UNC13C: variants seen among roughly 807,000 people sequenced by gnomAD.
UNC13C encodes the protein unc-13 homolog C.
In UNC13C, 174 loss-of-function variants were observed where a neutral mutation model predicts 245.4. The observed-to-expected ratio is 0.71, with a 90% confidence interval of 0.63 to 0.80. The LOEUF is 0.80. Ranked by LOEUF, UNC13C falls within the 30% of genes least tolerant of loss-of-function variation. UNC13C has a pLI of 0.00. For missense variants in UNC13C, 2,829 were observed against 2,602.9 expected, an observed-to-expected ratio of 1.09 and a Z score of -1.89; for synonymous variants, 992 against 895.1, an observed-to-expected ratio of 1.11 and a Z score of -1.93.
chr15:54,054,330 C>T (rs1209732090), intron 2 of UNC13C, among the ~76,000 whole-genome samples: 1 of 152,210 alleles, frequency 6.6e-6, no homozygotes, highest in African/African-American at 2.4e-5. Flanking sequence ...GTCAATCTCT[C>T]CCTCTTAGAC....
Position 54,626,881 on chromosome 15 carries a change from A to G in UNC13C, c.6413A>G (p.Lys2138Arg). Residue 2138 changes from lysine to arginine, a missense_variant, in exon 33 of 33, where the codon AAG becomes AGG. Coordinates refer to ENST00000260323, the MANE Select transcript of UNC13C (RefSeq NM_001080534.3). The stretch of plus-strand genomic sequence containing the variant: ...GCTTATGAACTTCATCTCTCAGTTA[A>G]GGATTACTGCTTTGCCAGAGAAGAT... ...PGAYELHLSV[K>R]DYCFAREDRI... 6.2e-7 allele frequency: 1 copy of G among 1,613,288 alleles called. No homozygotes were observed. The highest frequency in any genetic ancestry group is 8.5e-7 in the Non-Finnish European group (1 of 1,179,534).
At chr15:54,616,962 G>C (rs149645045) in intron 30 of UNC13C, among the ~76,000 whole-genome samples, 1 of 152,118 alleles carries the variant, frequency 6.6e-6, no homozygotes, top group East Asian at 1.9e-4. Flanking sequence ...ACAAATACAG[G>C]TGTTACAACT....
intron 17 of UNC13C, among the ~76,000 whole-genome samples, chr15:54,388,301 C>T (rs948280315): frequency 3.3e-5 from 5 of 151,938 alleles, no homozygotes; most frequent in Admixed American, 6.6e-5. Context: ...TTGTATGCTC[C>T]GGAAGCACAT....
the UNC13C span, among the ~76,000 whole-genome samples, chr15:53,936,826 T>C: frequency 6.6e-6 from 1 of 152,030 alleles, no homozygotes; most frequent in African/African-American, 2.4e-5. Context: ...GAAAAACAAA[T>C]GGAAATCAAC....
the UNC13C span, among the ~76,000 whole-genome samples, chr15:53,873,854 C>CCTCTCT: frequency 2.9e-3 from 381 of 131,628 alleles, 4 homozygotes; most frequent in African/African-American, 8.5e-3. Context: ...AGCATCTATC[C>CCTCTCT]CTCTCTCTCT....
intron 2 of UNC13C, among the ~76,000 whole-genome samples, chr15:54,105,088 G>C: frequency 6.6e-6 from 1 of 152,186 alleles, no homozygotes; most frequent in East Asian, 1.9e-4. Flanking sequence ...CTGGGAGCAG[G>C]ATGGACAAGA....
rs114654165 is a variant in UNC13C at position 54,326,035 on chromosome 15, G to A, written c.4425+3940G>A. Among the ~76,000 whole-genome samples the A allele has an allele frequency of 9.0e-3, 1,370 of 152,118 alleles. 15 individuals are homozygous for A. Among genetic ancestry groups the A allele is most frequent in the African/African-American group, 0.032 (1,309 of 41,538 alleles). ...TAAGTACTATCTCAGAGGAAACGAA[G>A]GAAGTGCAGTCATGAGGGCAGAAGG... On this transcript the variant is annotated intron_variant, in intron 14 of 32. Coordinates refer to ENST00000260323, the MANE Select transcript of UNC13C (RefSeq NM_001080534.3).
At chr15:53,845,653 G>A in the UNC13C span, among the ~76,000 whole-genome samples, 1 of 152,172 alleles carries the variant, frequency 6.6e-6, no homozygotes, top group South Asian at 2.1e-4. Context: ...TATTAATTAT[G>A]TGTTGTATGT....
At chr15:54,064,067 C>T (rs1595795695) in intron 2 of UNC13C, among the ~76,000 whole-genome samples, 1 of 152,140 alleles carries the variant, frequency 6.6e-6, no homozygotes, top group South Asian at 2.1e-4. Context: ...CCTCCTACCT[C>T]AATTTTTCTT....
At chr15:53,999,846 G>A (rs919412435) in intron 1 of UNC13C, among the ~76,000 whole-genome samples, 5 of 151,882 alleles carry the variant, frequency 3.3e-5, no homozygotes, top group African/African-American at 4.8e-5. Flanking sequence ...GAGATGGAGT[G>A]TTTATAGATA....
chr15:54,057,287 C>T (rs868107652), intron 2 of UNC13C, among the ~76,000 whole-genome samples: 12 of 149,752 alleles, frequency 8.0e-5, no homozygotes, highest in Admixed American at 6.7e-5. Flanking sequence ...AAATGGAAAA[C>T]AAAAAAAGGC....
chr15:54,104,329 T>C (rs1900323944), intron 2 of UNC13C, among the ~76,000 whole-genome samples: 2 of 152,344 alleles, frequency 1.3e-5, no homozygotes, highest in South Asian at 4.1e-4. Context: ...TCATCCTTTT[T>C]TTCCCTTGGA....
At chr15:53,979,925 A>G (rs1302270341) in intron 1 of UNC13C, among the ~76,000 whole-genome samples, 2 of 152,204 alleles carry the variant, frequency 1.3e-5, no homozygotes, top group African/African-American at 2.4e-5. Flanking sequence ...TTAAATGTGC[A>G]TATGTCTATA....
chr15:54,252,346 T>C (rs1255499554), intron 8 of UNC13C, among the ~76,000 whole-genome samples: 1 of 152,204 alleles, frequency 6.6e-6, no homozygotes, highest in African/African-American at 2.4e-5. Flanking sequence ...TTATTTTATA[T>C]TTGTTAAATA....
intron 26 of UNC13C, among the ~76,000 whole-genome samples, chr15:54,534,521 A>C (rs2141154823): frequency 6.6e-6 from 1 of 152,348 alleles, no homozygotes; most frequent in African/African-American, 2.4e-5. Flanking sequence ...CAACTCAAAA[A>C]GCCAGAGTGT....
Position 54,403,105 on chromosome 15 carries a change from C to G in UNC13C, c.4847+9924C>G, listed in dbSNP as rs59553457. The stretch of plus-strand genomic sequence containing the variant: ...CTTGCTTGTACCAGGTCTTGCAGTT[C>G]GAGAAACAGTTATCTAAACTCAGTA... On this transcript the variant is annotated intron_variant, in intron 18 of 32. Transcript: ENST00000260323. 3.8e-3 allele frequency among the ~76,000 whole-genome samples: 582 copies of G among 152,256 alleles called. 28 individuals are homozygous for G. The East Asian group carries it at 0.083, about 22-fold the overall frequency.
the UNC13C span, among the ~76,000 whole-genome samples, chr15:53,959,265 T>C: frequency 1.3e-5 from 2 of 152,172 alleles, no homozygotes; most frequent in African/African-American, 4.8e-5. Flanking sequence ...AATGTAGATA[T>C]CTCTTAGATA....
At chr15:54,463,449 G>A (rs182896876) in intron 19 of UNC13C, among the ~76,000 whole-genome samples, 9 of 151,760 alleles carry the variant, frequency 5.9e-5, no homozygotes, top group South Asian at 2.1e-4. Flanking sequence ...CACTCACCGC[G>A]AAGCTCTGCA....
intron 7 of UNC13C, among the ~76,000 whole-genome samples, chr15:54,248,765 T>G (rs1006955264): frequency 1.3e-5 from 2 of 152,174 alleles, no homozygotes; most frequent in African/African-American, 2.4e-5. Flanking sequence ...CCTTATCTAA[T>G]AGCAAGGATG....
Sources: gnomAD v4.1 joint callset for allele counts (sites outside exome capture counted in the v4.1 genomes callset) on GRCh38, gnomAD v4.1.1 for gene constraint, MANE v1.5 for transcripts, NCBI Gene and HGNC (gene_info 2026-07-23, HGNC 2026-07-21) for gene names.